ASAH2: variants seen among roughly 807,000 people sequenced by gnomAD.
ASAH2 encodes neutral ceramidase.
ASAH2 carries 58 observed loss-of-function variants against 82.9 expected under a neutral mutation model. That is an observed-to-expected ratio of 0.70 (90% CI 0.57 to 0.87). The LOEUF is 0.87. ASAH2 is among the 40% of genes least tolerant of loss of function. The pLI is 0.00. For synonymous variants in ASAH2, 276 were observed against 289.7 expected (o/e 0.95, Z 0.48); for missense variants, 779 against 834.0 (o/e 0.93, Z 0.81).
intron 12 of ASAH2, among the ~76,000 whole-genome samples, chr10:50,207,478 A>T (rs2133204161): frequency 6.6e-6 from 1 of 151,788 alleles, no homozygotes; most frequent in African/African-American, 2.4e-5. Flanking sequence ...TAAAATCAGA[A>T]ATTAGAATAT....
At position 50,245,377 on chromosome 10, in the gene ASAH2, C is replaced by T. The variant is rs377466392; in HGVS notation, c.205G>A (p.Ala69Thr). Residue 69 changes from alanine to threonine, a missense_variant, in exon 3 of 21, where the codon GCC (alanine) becomes ACC (threonine). Ala to Thr is a moderately conservative substitution (Grantham distance 58). This residue lies in a region of ASAH2 where 759 missense variants were observed against 755.2 expected (regional missense o/e 1.00). Coordinates refer to ENST00000682911, the MANE Select transcript of ASAH2 (RefSeq NM_019893.4). Reference sequence around the variant, plus strand: ...TGGGTGGCTGTGGAATGCTGGGTGGCTGTGGAGCGTTGGGCAGCTGTGGAG... The same window carrying T: ...TGGGTGGCTGTGGAATGCTGGGTGGTTGTGGAGCGTTGGGCAGCTGTGGAG... ...QGSTAAQRST[A>T]TQHSTATQSS... The T allele has an allele frequency of 6.2e-7, 1 of 1,613,552 alleles. No individual in the cohort carries two copies. Among genetic ancestry groups the T allele is most frequent in the African/African-American group, 1.3e-5 (1 of 74,784 alleles).
intron 7 of ASAH2, among the ~76,000 whole-genome samples, chr10:50,220,541 C>CA (rs1220934285): frequency 0.012 from 1,806 of 152,204 alleles, 34 homozygotes; most frequent in African/African-American, 0.038. Flanking sequence ...AACAGAAAAC[C>CA]AAATACCACA....
At chr10:50,210,674 C>T (rs529496328) in intron 12 of ASAH2, 149 bp downstream of exon 12, 169 of 760,560 alleles carry the variant, frequency 2.2e-4, no homozygotes, top group African/African-American at 1.9e-3. Flanking sequence ...GCAGCGGGTG[C>T]GGTACATGGT....
At chr10:50,240,045 C>A (rs1305731271) in intron 4 of ASAH2, among the ~76,000 whole-genome samples, 1 of 151,950 alleles carries the variant, frequency 6.6e-6, no homozygotes, top group Admixed American at 6.6e-5. Flanking sequence ...CCAGGTTGGT[C>A]TCGAACTCCT....
intron 5 of ASAH2, among the ~76,000 whole-genome samples, chr10:50,235,077 C>T (rs951188258): frequency 0.27 from 40,613 of 152,018 alleles, 5,784 homozygotes; most frequent in Non-Finnish European, 0.32. Flanking sequence ...GCAAACTATA[C>T]CCTGACTGTG....
intron 4 of ASAH2, among the ~76,000 whole-genome samples, chr10:50,241,187 C>A (rs1396937667): frequency 6.6e-6 from 1 of 152,196 alleles, no homozygotes; most frequent in Non-Finnish European, 1.5e-5. Context: ...TTGCCATCAC[C>A]TTGATTGCCA....
At chr10:50,206,200 G>T in intron 12 of ASAH2, 103 bp from the exon 13 acceptor site, 2 of 886,894 alleles carry the variant, frequency 2.3e-6, no homozygotes, top group Non-Finnish European at 3.8e-6. Flanking sequence ...GAGTTTCAGA[G>T]ATTTTATTGA....
At chr10:50,237,772 G>A (rs1334611081) in intron 4 of ASAH2, among the ~76,000 whole-genome samples, 1 of 152,120 alleles carries the variant, frequency 6.6e-6, no homozygotes, top group African/African-American at 2.4e-5. Flanking sequence ...TGGTATCATT[G>A]TGTCTTTTTT....
At chr10:50,247,520 T>C (rs2813308) in intron 2 of ASAH2, among the ~76,000 whole-genome samples, 44,382 of 151,662 alleles carry the variant, frequency 0.29, 6,701 homozygotes, top group Non-Finnish European at 0.31. Context: ...GACCCTGCTG[T>C]GCCTACTGCT....
intron 18 of ASAH2, among the ~76,000 whole-genome samples, chr10:50,194,548 C>T (rs375361707): frequency 1.0e-4 from 15 of 149,794 alleles, no homozygotes; most frequent in Admixed American, 8.6e-4. Context: ...TTTTCTACTA[C>T]GATTGGAAAC....
At chr10:50,248,185 A>G (rs1416784510) in intron 2 of ASAH2, among the ~76,000 whole-genome samples, 1 of 152,188 alleles carries the variant, frequency 6.6e-6, no homozygotes, top group Non-Finnish European at 1.5e-5. Context: ...CTCATGGTAA[A>G]AGCTGCCATT....
chr10:50,220,407 A>G (rs1438084995), intron 7 of ASAH2, among the ~76,000 whole-genome samples: 1 of 152,220 alleles, frequency 6.6e-6, no homozygotes, highest in Non-Finnish European at 1.5e-5. Flanking sequence ...AGATAAAGGA[A>G]ATGTGGTACA....
intron 6 of ASAH2, 113 bp from the exon 7 acceptor site, chr10:50,233,374 G>A (rs925651053): frequency 1.3e-6 from 1 of 753,208 alleles, no homozygotes; most frequent in South Asian, 1.5e-5. Context: ...TAAGTGAGAT[G>A]TCTTGACAAG....
rs1370881909 is a variant in ASAH2 at position 50,187,118 on chromosome 10, T to TCTCTCACACACACA, written c.*196_*197insTGTGTGTGTGAGAG. ...CTCTCTCTCTCTCTCTCTCTCTCTC[T>TCTCTCACACACACA]CACACACACACACACACACACACAC... On this transcript the variant is annotated 3_prime_UTR_variant, in exon 21 of 21. Coordinates refer to ENST00000682911, the MANE Select transcript of ASAH2 (RefSeq NM_019893.4). 3 of 157,408 alleles carry TCTCTCACACACACA rather than the reference T, an allele frequency of 1.9e-5. No individual in the cohort carries two copies. The highest frequency in any genetic ancestry group is 5.4e-5 in the African/African-American group (1 of 18,498). 9.8% of individuals were successfully genotyped at this position (157,408 alleles called of 1,614,324 possible). A position where few individuals can be genotyped will look rare whatever the true frequency, so the allele number is the denominator to read the frequency against.
chr10:50,214,718 G>C, intron 9 of ASAH2, 25 bp downstream of exon 9: 1 of 1,612,956 alleles, frequency 6.2e-7, no homozygotes, highest in Non-Finnish European at 8.5e-7. Flanking sequence ...CAAAAACAAA[G>C]ATTTCATGTG....
At chr10:50,240,594 A>G in intron 4 of ASAH2, 1 of 702,226 alleles carries the variant, frequency 1.4e-6, no homozygotes. Context: ...GGCCCTCTGC[A>G]ATTATGATAA....
In ASAH2 at chr10:50,245,323, C is replaced by G. The variant is rs539221623; in HGVS notation, c.259G>C (p.Val87Leu). Residue 87 changes from valine to leucine, a missense_variant, in exon 3 of 21, where the codon GTG becomes CTG. Val to Leu is a conservative substitution (Grantham distance 32). Coordinates refer to ENST00000682911, the MANE Select transcript of ASAH2 (RefSeq NM_019893.4). Reference protein sequence around the residue: ...QSSTATQTSPVPLTPESPLFQ... With the variant: ...QSSTATQTSPLPLTPESPLFQ... ...AGAGGAGACTCTGGGGTTAAAGGCACTGGAGAAGTTTGAGTGGCTGTGGAG... is the reference window on the plus strand; with the variant it reads ...AGAGGAGACTCTGGGGTTAAAGGCAGTGGAGAAGTTTGAGTGGCTGTGGAG... The G allele has an allele frequency of 9.1e-5, 147 of 1,614,026 alleles. 1 individual carries two copies. The South Asian group carries it at 1.5e-3, about 17-fold the overall frequency.
At chr10:50,240,832 T>C (rs574502641) in intron 4 of ASAH2, among the ~76,000 whole-genome samples, 36 of 152,342 alleles carry the variant, frequency 2.4e-4, no homozygotes, top group South Asian at 2.1e-4. Context: ...TGAATCCCTA[T>C]TGGTGATCTT....
At position 50,245,368 on chromosome 10, in the gene ASAH2, G is replaced by T; in HGVS notation, c.214C>A (p.His72Asn). Reference protein sequence around the residue: ...TAAQRSTATQHSTATQSSTAT... With the variant: ...TAAQRSTATQNSTATQSSTAT... The stretch of plus-strand genomic sequence containing the variant: ...GTGGAGCTCTGGGTGGCTGTGGAAT[G>T]CTGGGTGGCTGTGGAGCGTTGGGCA... The change falls in exon 3 of 21, where the codon CAT becomes AAT. Residue 72 changes from histidine to asparagine, a missense_variant. Around this residue, in one of 3 missense-constraint regions of ASAH2, gnomAD observed 759 missense variants for 755.2 expected, o/e 1.00. Transcript: ENST00000682911. 6.2e-7 allele frequency: 1 copy of T among 1,613,680 alleles called. No individual in the cohort carries two copies. The highest frequency in any genetic ancestry group is 1.1e-5 in the South Asian group (1 of 91,038).
Sources: allele counts gnomAD v4.1 joint callset (sites outside exome capture counted in the v4.1 genomes callset), GRCh38; gene constraint gnomAD v4.1.1; regional missense constraint gnomAD v4.1.1; transcripts MANE v1.5; gene names NCBI Gene and HGNC (gene_info 2026-07-23, HGNC 2026-07-21).